The following CSMD1 variants were observed in gnomAD, a reference collection of about 807,000 sequenced individuals.
CSMD1 encodes the protein CUB and Sushi multiple domains 1, also known as CUB and sushi domain-containing protein 1.
In CSMD1, 213 loss-of-function variants were observed where a neutral mutation model predicts 417.5. The observed-to-expected ratio is 0.51, with a 90% CI of 0.46 to 0.57. CSMD1 has a LOEUF of 0.57. Ranked by LOEUF, CSMD1 falls within the 20% of genes least tolerant of loss-of-function variation. The probability of loss-of-function intolerance (pLI) is 0.00; values close to 1 mark genes in which losing one functional copy is unlikely to be tolerated. For synonymous variants in CSMD1, 2,862 were observed against 1,736.8 expected (o/e 1.65, Z -16.11); for missense variants, 6,923 against 4,529.7 (o/e 1.53, Z -15.17).
chr8:4,650,670 A>T (rs1466241172), intron 1 of CSMD1, among the ~76,000 whole-genome samples: 2 of 151,960 alleles, frequency 1.3e-5, no homozygotes, highest in Admixed American at 1.3e-4. Flanking sequence ...AAAAAAAAAG[A>T]TACAGCTTGT....
intron 5 of CSMD1, among the ~76,000 whole-genome samples, chr8:3,768,410 A>G (rs1798400291): frequency 6.6e-6 from 1 of 152,210 alleles, no homozygotes; most frequent in African/African-American, 2.4e-5. Flanking sequence ...AGATCAATCC[A>G]TGTTTATAAA....
intron 49 of CSMD1, among the ~76,000 whole-genome samples, chr8:3,082,434 A>G (rs1814171468): frequency 6.6e-6 from 1 of 152,066 alleles, no homozygotes; most frequent in Non-Finnish European, 1.5e-5. Flanking sequence ...AGACATCCCA[A>G]TATCCTGGAC....
At chr8:4,166,371 G>C (rs932037332) in intron 3 of CSMD1, among the ~76,000 whole-genome samples, 4 of 152,120 alleles carry the variant, frequency 2.6e-5, no homozygotes, top group East Asian at 1.9e-4. Flanking sequence ...ATGTTATTTG[G>C]ATGCTAAAGT....
chr8:4,449,354 C>T (rs1281754404), intron 2 of CSMD1, among the ~76,000 whole-genome samples: 3 of 152,144 alleles, frequency 2.0e-5, no homozygotes, highest in Non-Finnish European at 2.9e-5. Flanking sequence ...CTCCCCCTCT[C>T]TTTTTTTCCA....
intron 49 of CSMD1, among the ~76,000 whole-genome samples, chr8:3,081,446 C>T (rs756814956): frequency 5.5e-4 from 83 of 152,154 alleles, no homozygotes; most frequent in Non-Finnish European, 2.9e-4. Flanking sequence ...GAGATATTTG[C>T]TATTTTTTAA....
chr8:4,731,651 C>G (rs1809873905), intron 1 of CSMD1, among the ~76,000 whole-genome samples: 2 of 152,170 alleles, frequency 1.3e-5, no homozygotes, highest in Admixed American at 6.5e-5. Context: ...GGAATGCACA[C>G]TTTGCATGAG....
intron 3 of CSMD1, among the ~76,000 whole-genome samples, chr8:4,177,605 T>A (rs112840208): frequency 2.7e-5 from 4 of 149,334 alleles, no homozygotes; most frequent in East Asian, 4.0e-4. Flanking sequence ...GAAATAGAGA[T>A]GCAAATAACC....
chr8:4,148,566 T>G (rs1031489761), intron 3 of CSMD1, among the ~76,000 whole-genome samples: 1 of 151,992 alleles, frequency 6.6e-6, no homozygotes, highest in Non-Finnish European at 1.5e-5. Flanking sequence ...GGCTGAGACA[T>G]TCAAGCTCTA....
chr8:3,864,480 TA>T (rs1163905467), intron 5 of CSMD1, among the ~76,000 whole-genome samples: 2 of 152,180 alleles, frequency 1.3e-5, no homozygotes, highest in Non-Finnish European at 2.9e-5. Context: ...ACACTTTTTT[TA>T]TTATACTTTA....
chr8:4,696,170 T>G (rs7828174), intron 1 of CSMD1, among the ~76,000 whole-genome samples: 5,597 of 152,290 alleles, frequency 0.037, 336 homozygotes, highest in African/African-American at 0.13. Flanking sequence ...CAATAAATGT[T>G]TTAAAGCCAG....
intron 3 of CSMD1, among the ~76,000 whole-genome samples, chr8:4,228,194 T>A (rs893300499): frequency 2.0e-5 from 3 of 152,178 alleles, no homozygotes; most frequent in African/African-American, 4.8e-5. Context: ...CAATCCCACA[T>A]CCAGGTTTCC....
chr8:4,875,976 T>G (rs1048878304), intron 1 of CSMD1, among the ~76,000 whole-genome samples: 3 of 152,126 alleles, frequency 2.0e-5, no homozygotes, highest in African/African-American at 7.2e-5. Flanking sequence ...CATTTTCTTA[T>G]GAACACGATT....
intron 2 of CSMD1, among the ~76,000 whole-genome samples, chr8:4,557,769 G>A (rs998300070): frequency 1.6e-5 from 2 of 123,574 alleles, no homozygotes; most frequent in Admixed American, 1.5e-4. Context: ...CATTAAGATG[G>A]CACGTAAGTC....
chr8:3,853,116 C>T (rs986130268), intron 5 of CSMD1, among the ~76,000 whole-genome samples: 4 of 152,156 alleles, frequency 2.6e-5, no homozygotes, highest in African/African-American at 9.7e-5. Context: ...GATCCAAAAG[C>T]AGCAGTGGCA....
chr8:4,032,054 C>G lies in CSMD1; in HGVS notation c.461G>C (p.Gly154Ala), dbSNP rs752648515. 5.0e-6 allele frequency: 8 copies of G among 1,613,364 alleles called. No homozygotes were observed. The highest frequency in any genetic ancestry group is 1.1e-5 in the South Asian group (1 of 91,024). ...TCGNPGEILK[G>A]VLHGTRFNIG... ...GTTGAATCTCGTTCCATGCAGAACTCCTTTCAGGATTTCTCCAGGATTTCC... is the reference window on the plus strand; with the variant it reads ...GTTGAATCTCGTTCCATGCAGAACTGCTTTCAGGATTTCTCCAGGATTTCC... The change falls in exon 4 of 70, where the codon GGA becomes GCA. Residue 154 changes from glycine (G) to alanine (A), a missense_variant. By Grantham distance (60) the Gly-to-Ala change is moderately conservative. Transcript: ENST00000635120.
At chr8:3,645,160 C>A (rs1170721846) in intron 7 of CSMD1, among the ~76,000 whole-genome samples, 60 of 152,040 alleles carry the variant, frequency 3.9e-4, no homozygotes, top group Admixed American at 3.8e-3. Flanking sequence ...AAGATCAAAT[C>A]ACCATTTCAC....
At chr8:4,887,913 C>T (rs6982428) in intron 1 of CSMD1, among the ~76,000 whole-genome samples, 67,255 of 151,716 alleles carry the variant, frequency 0.44, 15,165 homozygotes, top group South Asian at 0.56. Context: ...TGAACATACA[C>T]GTATTTTTTA....
intron 1 of CSMD1, among the ~76,000 whole-genome samples, chr8:4,977,894 ATTCATTCAC>A (rs1366105835): frequency 6.6e-6 from 1 of 152,234 alleles, no homozygotes; most frequent in East Asian, 1.9e-4. Flanking sequence ...TAATCAACTC[ATTCATTCAC>A]ACATTCGAAG....
At chr8:3,066,169 G>C (rs10096862) in intron 49 of CSMD1, among the ~76,000 whole-genome samples, 1 of 152,116 alleles carries the variant, frequency 6.6e-6, no homozygotes, top group African/African-American at 2.4e-5. Context: ...TTCTAGCATC[G>C]TGTACAATTC....
Sources: allele counts gnomAD v4.1 joint callset (sites outside exome capture counted in the v4.1 genomes callset), GRCh38; gene constraint gnomAD v4.1.1; transcripts MANE v1.5; gene names NCBI Gene and HGNC (gene_info 2026-07-23, HGNC 2026-07-21).